ENAH: variants seen among roughly 807,000 people sequenced by gnomAD.
ENAH encodes the protein protein enabled homolog.
In ENAH, 23 loss-of-function variants were observed where a neutral mutation model predicts 78.7. That is an observed-to-expected ratio of 0.29 (90% confidence interval 0.21 to 0.41). The LOEUF is 0.41. Ranked by LOEUF, ENAH falls within the 10% of genes least tolerant of loss-of-function variation. The probability of loss-of-function intolerance (pLI) is 1.00; values close to 1 mark genes in which losing one functional copy is unlikely to be tolerated. For synonymous variants in ENAH, 226 were observed against 241.0 expected (o/e 0.94, Z 0.58); for missense variants, 544 against 691.0 (o/e 0.79, Z 2.39).
At chr1:225,529,143 G>A (rs2096525596) in intron 4 of ENAH, among the ~76,000 whole-genome samples, 1 of 152,172 alleles carries the variant, frequency 6.6e-6, no homozygotes, top group Admixed American at 6.5e-5. Context: ...AAAATTTTAA[G>A]TCAGATCATG....
chr1:225,552,587 T>C (rs1207087530), intron 3 of ENAH, among the ~76,000 whole-genome samples: 10 of 152,234 alleles, frequency 6.6e-5, no homozygotes, highest in Admixed American at 1.3e-4. Flanking sequence ...CCATTCTATA[T>C]GGTTTTTTTT....
chr1:225,539,449 G>A (rs1267701149), intron 3 of ENAH, among the ~76,000 whole-genome samples: 2 of 152,174 alleles, frequency 1.3e-5, no homozygotes, highest in East Asian at 3.8e-4. Flanking sequence ...ACACATGTAT[G>A]AGGGGATAAG....
At chr1:225,634,771 G>C (rs1025388237) in intron 1 of ENAH, among the ~76,000 whole-genome samples, 1 of 152,144 alleles carries the variant, frequency 6.6e-6, no homozygotes, top group African/African-American at 2.4e-5. Context: ...TGTAGGTCTG[G>C]TCTATAGGTA....
intron 3 of ENAH, among the ~76,000 whole-genome samples, chr1:225,533,013 C>T (rs534220910): frequency 2.0e-5 from 3 of 151,370 alleles, no homozygotes; most frequent in Non-Finnish European, 3.0e-5. Context: ...TGTGTGTGTC[C>T]GTGCATGGAA....
chr1:225,578,712 C>T (rs750404319), intron 1 of ENAH, among the ~76,000 whole-genome samples: 60 of 152,172 alleles, frequency 3.9e-4, no homozygotes, highest in Admixed American at 2.0e-4. Flanking sequence ...CAGAAGAATG[C>T]ACTCTACAAC....
intron 1 of ENAH, among the ~76,000 whole-genome samples, chr1:225,633,420 C>A (rs986470399): frequency 6.6e-6 from 1 of 151,996 alleles, no homozygotes; most frequent in Non-Finnish European, 1.5e-5. Flanking sequence ...ACACAAACTC[C>A]AACATGAGAC....
intron 1 of ENAH, among the ~76,000 whole-genome samples, chr1:225,570,330 TG>T (rs752719377): frequency 3.9e-5 from 6 of 152,106 alleles, no homozygotes; most frequent in Non-Finnish European, 7.4e-5. Context: ...AGAGACATCC[TG>T]CCATGTACGC....
At chr1:225,538,689 T>C (rs984611730) in intron 3 of ENAH, among the ~76,000 whole-genome samples, 1 of 152,108 alleles carries the variant, frequency 6.6e-6, no homozygotes, top group Admixed American at 6.6e-5. Flanking sequence ...TAAGCCAATA[T>C]GAAAATCACT....
intron 12 of ENAH, 148 bp from the exon 13 acceptor site, chr1:225,498,552 C>T: frequency 1.7e-6 from 1 of 582,814 alleles, no homozygotes; most frequent in Admixed American, 3.6e-5. Flanking sequence ...GAAGACTAGC[C>T]TTGGTGAATT....
rs1282391014 is a variant in ENAH at position 225,491,613 on chromosome 1, A to G, written c.*6162T>C. 1 of 152,196 alleles carries G rather than the reference A, an allele frequency of 6.6e-6. No individual in the cohort carries two copies. Among genetic ancestry groups the G allele is most frequent in the East Asian group, 1.9e-4 (1 of 5,202 alleles). 9.4% of individuals were successfully genotyped at this position (152,196 alleles called of 1,614,324 possible). Reference sequence around the variant, plus strand: ...GTATCTCTCTTATATGGTTGCAACAATGTGTATTTTAAGTGTAAGCCAAGA... The same window carrying G: ...GTATCTCTCTTATATGGTTGCAACAGTGTGTATTTTAAGTGTAAGCCAAGA... On this transcript the variant is annotated 3_prime_UTR_variant, in exon 14 of 14. Coordinates refer to ENST00000366843, the MANE Select transcript of ENAH (RefSeq NM_018212.6).
At chr1:225,595,550 C>G (rs1381301677) in intron 1 of ENAH, among the ~76,000 whole-genome samples, 1 of 152,008 alleles carries the variant, frequency 6.6e-6, no homozygotes, top group Non-Finnish European at 1.5e-5. Flanking sequence ...CAGGCACTAC[C>G]CAGAACATTT....
At chr1:225,567,146 G>A (rs2096738757) in intron 2 of ENAH, 103 bp downstream of exon 2, 1 of 1,281,440 alleles carries the variant, frequency 7.8e-7, no homozygotes, top group South Asian at 1.4e-5. Flanking sequence ...CCCAGAGAGA[G>A]ACTATTTTGA....
In ENAH at chr1:225,554,891, C is replaced by T; in HGVS notation, c.349+15G>A. 3 of 1,500,222 alleles carry T rather than the reference C, an allele frequency of 2.0e-6. No individual in the cohort carries two copies. The highest frequency in any genetic ancestry group is 2.7e-5 in the African/African-American group (2 of 73,304). 92.9% of individuals were successfully genotyped at this position (1,500,222 alleles called of 1,614,324 possible). A position where few individuals can be genotyped will look rare whatever the true frequency, so the allele number is the denominator to read the frequency against. On this transcript the variant is annotated intron_variant, in intron 3 of 13. Transcript: ENST00000366843. Reference sequence around the variant, plus strand: ...GAAAAAGAAAGAAAATACAAATAAACCATGGGCACCTTACCTGTTTCCTGT... The same window carrying T: ...GAAAAAGAAAGAAAATACAAATAAATCATGGGCACCTTACCTGTTTCCTGT...
chr1:225,515,161 T>C (rs2096408019), intron 6 of ENAH: 1 of 416,728 alleles, frequency 2.4e-6, no homozygotes, highest in Non-Finnish European at 4.2e-6. Context: ...TAAGACTTTT[T>C]TTTTTCATGG....
chr1:225,587,825 G>T (rs568110988), intron 1 of ENAH, among the ~76,000 whole-genome samples: 2 of 152,248 alleles, frequency 1.3e-5, no homozygotes, highest in East Asian at 3.9e-4. Flanking sequence ...AAACAGGACA[G>T]AGTCCAGAAA....
chr1:225,517,704 A>C (rs2096432634), intron 5 of ENAH: 1 of 1,551,218 alleles, frequency 6.4e-7, no homozygotes, highest in East Asian at 2.4e-5. Context: ...CAGGAGAAGA[A>C]GGTCGAGAGT....
At chr1:225,642,379 T>C (rs1043193654) in intron 1 of ENAH, among the ~76,000 whole-genome samples, 7 of 152,026 alleles carry the variant, frequency 4.6e-5, no homozygotes, top group Non-Finnish European at 1.0e-4. Context: ...CAAGCTGAGG[T>C]CTGGTAAGAG....
intron 2 of ENAH, among the ~76,000 whole-genome samples, chr1:225,556,937 AGGTTT>A (rs2096670042): frequency 6.6e-6 from 1 of 152,212 alleles, no homozygotes; most frequent in African/African-American, 2.4e-5. Flanking sequence ...ACTGTGCTGC[AGGTTT>A]GCCTGCAGCA....
intron 1 of ENAH, among the ~76,000 whole-genome samples, chr1:225,570,497 C>T (rs1472607189): frequency 6.6e-6 from 1 of 151,898 alleles, no homozygotes; most frequent in Non-Finnish European, 1.5e-5. Flanking sequence ...CTTCCTAAGA[C>T]AGCAAGGCCA....
Sources: allele counts gnomAD v4.1 joint callset (sites outside exome capture counted in the v4.1 genomes callset), GRCh38; gene constraint gnomAD v4.1.1; transcripts MANE v1.5; gene names NCBI Gene and HGNC (gene_info 2026-07-23, HGNC 2026-07-21).